Variants in MORN4 observed in about 807,000 individuals in gnomAD.
MORN4 encodes MORN repeat containing 4.
Under a neutral mutation model 16.4 loss-of-function variants are expected in MORN4, and 8 were observed. That is an observed-to-expected ratio of 0.49 (90% confidence interval 0.29 to 0.88). The LOEUF is 0.88. Ranked by LOEUF, MORN4 falls within the 40% of genes least tolerant of loss-of-function variation. The pLI is 0.09. For missense variants in MORN4, 159 were observed against 182.9 expected (o/e 0.87, Z 0.75); for synonymous variants, 53 against 68.9 (o/e 0.77, Z 1.14).
chr10:97,623,572 A>AAGAAT (rs1382605543), intron 1 of MORN4, among the ~76,000 whole-genome samples: 3 of 152,044 alleles, frequency 2.0e-5, no homozygotes, highest in Non-Finnish European at 2.9e-5. Flanking sequence ...AGAAACAGGA[A>AAGAAT]AGAATTCTTT....
At chr10:97,622,169 G>A (rs2041302896) in intron 1 of MORN4, among the ~76,000 whole-genome samples, 1 of 152,168 alleles carries the variant, frequency 6.6e-6, no homozygotes, top group Admixed American at 6.6e-5. Context: ...CAGACTCACA[G>A]GATAAATAAA....
intron 1 of MORN4, among the ~76,000 whole-genome samples, chr10:97,627,015 C>T (rs1462639197): frequency 6.6e-6 from 1 of 151,842 alleles, no homozygotes; most frequent in Non-Finnish European, 1.5e-5. Context: ...CCTTGGCCTC[C>T]CAAAGTGCTG....
At chr10:97,616,472 CAT>C in intron 4 of MORN4, 61 bp from the exon 5 acceptor site, 1 of 1,533,208 alleles carries the variant, frequency 6.5e-7, no homozygotes, top group Non-Finnish European at 8.8e-7. Context: ...AAAGATGAGA[CAT>C]ATCTTTGGCC....
rs745531120 is a variant in MORN4 at position 97,615,270 on chromosome 10, A to C, written c.*993T>G. 1 of 152,566 alleles carries C rather than the reference A, an allele frequency of 6.6e-6. No homozygotes were observed. The highest frequency in any genetic ancestry group is 1.5e-5 in the Non-Finnish European group (1 of 68,172). The allele number at this position is 152,566 out of a possible 1,614,324, so 9.5% of individuals were successfully genotyped here. On this transcript the variant is annotated 3_prime_UTR_variant, in exon 5 of 5. Transcript: ENST00000307450. ...GCCTGCAGCCATGATTCCAACCAGCATGAGGAGTAACATATGGAAAAGCTC... is the reference window on the plus strand; with the variant it reads ...GCCTGCAGCCATGATTCCAACCAGCCTGAGGAGTAACATATGGAAAAGCTC...
intron 1 of MORN4, among the ~76,000 whole-genome samples, chr10:97,619,991 G>A (rs1321230273): frequency 1.3e-5 from 2 of 151,960 alleles, no homozygotes; most frequent in Non-Finnish European, 2.9e-5. Context: ...GTGCTCAGTC[G>A]ATGTATAAAA....
chr10:97,619,326 C>A (rs1355526771), intron 2 of MORN4: 3 of 574,216 alleles, frequency 5.2e-6, no homozygotes, highest in Non-Finnish European at 9.3e-6. Context: ...GAGACCTCAT[C>A]TCAAAAAACA....
intron 1 of MORN4, among the ~76,000 whole-genome samples, chr10:97,626,881 C>A (rs999605838): frequency 6.6e-6 from 1 of 151,794 alleles, no homozygotes; most frequent in African/African-American, 2.4e-5. Flanking sequence ...CCCCAGCCTC[C>A]CAAGTAGCTG....
At position 97,617,210 on chromosome 10, in the gene MORN4, T is replaced by G. The variant is rs1318178865; in HGVS notation, c.180A>C (p.Ser60=). Residue 60 remains serine (S), a splice_region_variant and synonymous_variant, in exon 3 of 5, where the codon TCA becomes TCC. Coordinates refer to ENST00000307450, the MANE Select transcript of MORN4 (RefSeq NM_178832.4). ...GFGVLTFSDG[S]RYEGEFAQGK... ...GAAAGGAATGACCTCATACCCACCT[T>G]GAACCATCTGAGAAGGTCAATACCC... 1.2e-6 allele frequency: 2 copies of G among 1,613,194 alleles called. No individual in the cohort carries two copies.
chr10:97,633,255 C>G lies in MORN4; in HGVS notation c.-31+92G>C. 1 of 1,234,704 alleles carries G rather than the reference C, an allele frequency of 8.1e-7. No individual in the cohort carries two copies. The highest frequency in any genetic ancestry group is 1.0e-6 in the Non-Finnish European group (1 of 956,438). 76.5% of individuals were successfully genotyped at this position (1,234,704 alleles called of 1,614,324 possible). A position where few individuals can be genotyped will look rare whatever the true frequency, so the allele number is the denominator to read the frequency against. On this transcript the variant is annotated intron_variant, in intron 1 of 4. Coordinates refer to ENST00000307450, the MANE Select transcript of MORN4 (RefSeq NM_178832.4). This position sits in a 1 kb window ranked among gnomAD's most constrained non-coding sequence, Gnocchi z 4.5. ...GCGTATCCGAGGTGGAGCCGCGCCCCCGAGCCGGGTCATCTCGTGCTCCGT... is the reference window on the plus strand; with the variant it reads ...GCGTATCCGAGGTGGAGCCGCGCCCGCGAGCCGGGTCATCTCGTGCTCCGT...
intron 2 of MORN4, among the ~76,000 whole-genome samples, chr10:97,617,937 C>T (rs189952106): frequency 1.6e-4 from 24 of 151,916 alleles, no homozygotes; most frequent in Non-Finnish European, 2.1e-4. Context: ...TTTGGGAGGC[C>T]GAGGAGGCGG....
chr10:97,627,061 TTTTG>T (rs1183242685), intron 1 of MORN4, among the ~76,000 whole-genome samples: 14 of 149,518 alleles, frequency 9.4e-5, no homozygotes, highest in Non-Finnish European at 1.5e-4. Context: ...CCGGCCTGAT[TTTTG>T]TTTGTTTGTT....
At chr10:97,622,346 C>T (rs1396902219) in intron 1 of MORN4, among the ~76,000 whole-genome samples, 1 of 152,042 alleles carries the variant, frequency 6.6e-6, no homozygotes, top group Non-Finnish European at 1.5e-5. Context: ...TGGGGACTGG[C>T]TAGATATGGC....
chr10:97,619,375 G>A, intron 2 of MORN4: 5 of 590,080 alleles, frequency 8.5e-6, no homozygotes, highest in South Asian at 2.2e-5. Context: ...AAAAAAGAAA[G>A]ATATAACTCA....
intron 1 of MORN4, among the ~76,000 whole-genome samples, chr10:97,628,198 T>G (rs2041363859): frequency 1.3e-5 from 2 of 152,188 alleles, no homozygotes; most frequent in African/African-American, 4.8e-5. Context: ...TTCCAAAACC[T>G]AAACACAAAA....
At chr10:97,618,371 T>C (rs1330071825) in intron 2 of MORN4, among the ~76,000 whole-genome samples, 1 of 149,652 alleles carries the variant, frequency 6.7e-6, no homozygotes, top group Admixed American at 6.8e-5. Flanking sequence ...TTTAAATGAT[T>C]CTCCTCCCTC....
At chr10:97,616,497 G>A (rs774191818) in intron 4 of MORN4, 86 bp from the exon 5 acceptor site, 15 of 1,461,168 alleles carry the variant, frequency 1.0e-5, no homozygotes, top group Non-Finnish European at 1.4e-5. Context: ...GATATGTCCA[G>A]GCCAAAGAAG....
intron 1 of MORN4, among the ~76,000 whole-genome samples, chr10:97,624,615 G>T (rs549826197): frequency 5.3e-5 from 8 of 152,156 alleles, no homozygotes; most frequent in Non-Finnish European, 1.0e-4. Flanking sequence ...GATGGGTATC[G>T]CTATGGTGCC....
At chr10:97,619,954 T>C (rs767965660) in intron 1 of MORN4, among the ~76,000 whole-genome samples, 18 of 152,298 alleles carry the variant, frequency 1.2e-4, no homozygotes, top group African/African-American at 4.1e-4. Context: ...AATATTAATC[T>C]ACAAATATTT....
At chr10:97,616,824 G>A in intron 3 of MORN4, 37 bp from the exon 4 acceptor site, 1 of 1,444,558 alleles carries the variant, frequency 6.9e-7, no homozygotes, top group Non-Finnish European at 9.7e-7. Context: ...TCAGTGGAAA[G>A]TTAGCTGTCC....
Sources: allele counts gnomAD v4.1 joint callset (sites outside exome capture counted in the v4.1 genomes callset), GRCh38; gene constraint gnomAD v4.1.1; non-coding constraint Gnocchi (gnomAD v3.1); transcripts MANE v1.5; gene names NCBI Gene and HGNC (gene_info 2026-07-23, HGNC 2026-07-21).